DDAH1: variants seen among roughly 807,000 people sequenced by gnomAD.
The protein encoded by DDAH1 is dimethylarginine dimethylaminohydrolase 1.
Under a neutral mutation model 28.8 loss-of-function variants are expected in DDAH1, and 19 were observed. The ratio of observed to expected loss-of-function variants is 0.66; its 90% CI spans 0.46 to 0.97. DDAH1 has a LOEUF of 0.97. Among genes scored for constraint, DDAH1 ranks in the 50% least tolerant of loss-of-function variants. The pLI, the probability that DDAH1 is intolerant of heterozygous loss-of-function variation, is 0.00. For missense variants in DDAH1, 326 were observed against 375.9 expected, an observed-to-expected ratio of 0.87 and a Z score of 1.10; for synonymous variants, 153 against 154.4, an observed-to-expected ratio of 0.99 and a Z score of 0.07.
chr1:85,365,827 A>G (rs1332135014), intron 1 of DDAH1, among the ~76,000 whole-genome samples: 1 of 152,122 alleles, frequency 6.6e-6, no homozygotes, highest in Non-Finnish European at 1.5e-5. Context: ...CATATCTGTG[A>G]TTGGTTACTT....
chr1:85,454,421 C>G (rs934575279), intron 1 of DDAH1, among the ~76,000 whole-genome samples: 1 of 152,170 alleles, frequency 6.6e-6, no homozygotes, highest in Non-Finnish European at 1.5e-5. Flanking sequence ...TAAAACATGA[C>G]TGGATAGAAA....
chr1:85,329,467 A>G (rs957861393), intron 4 of DDAH1, among the ~76,000 whole-genome samples: 8 of 152,136 alleles, frequency 5.3e-5, no homozygotes, highest in African/African-American at 1.9e-4. Context: ...CTTATTTTTT[A>G]TCATTTAAAG....
In DDAH1 at chr1:85,464,971, G is replaced by A. The variant is rs1570578841; in HGVS notation, c.75C>T (p.Leu25=). 3 of 1,472,056 alleles carry A rather than the reference G, an allele frequency of 2.0e-6. No individual in the cohort carries two copies. Among genetic ancestry groups the A allele is most frequent in the Non-Finnish European group, 2.7e-6 (3 of 1,116,554 alleles). 91.2% of individuals were successfully genotyped at this position (1,472,056 alleles called of 1,614,324 possible). Residue 25 remains leucine, a synonymous_variant, in exon 1 of 6, where the codon CTC becomes CTT. Transcript: ENST00000284031. The surrounding 1 kb of genome is among the most constrained non-coding windows in gnomAD (Gnocchi z 4.4). Reference sequence around the variant, plus strand: ...TGGCGCTTCTCAGCGCGTGCTGGCCGAGCGACTCGGGTAGCGCCCGCACCA... The same window carrying A: ...TGGCGCTTCTCAGCGCGTGCTGGCCAAGCGACTCGGGTAGCGCCCGCACCA... ...HAVVRALPES[L]GQHALRSAKG...
chr1:85,353,472 A>G (rs1649335695), intron 2 of DDAH1, among the ~76,000 whole-genome samples: 1 of 152,164 alleles, frequency 6.6e-6, no homozygotes. Context: ...ACAATATCCA[A>G]GGGCTTATGT....
Position 85,320,095 on chromosome 1 carries a change from G to A in DDAH1, c.*1357C>T, listed in dbSNP as rs551939892. ...TGCCTGGATCAGTTACCATTCATTGGAAAGTACCGTTTCCCCTGCCTGTTA... is the reference window on the plus strand; with the variant it reads ...TGCCTGGATCAGTTACCATTCATTGAAAAGTACCGTTTCCCCTGCCTGTTA... On this transcript the variant is annotated 3_prime_UTR_variant, in exon 6 of 6. Transcript: ENST00000284031. 6 of 152,356 alleles carry A rather than the reference G, an allele frequency of 3.9e-5. No homozygotes were observed. Among genetic ancestry groups the A allele is most frequent in the Non-Finnish European group, 8.8e-5 (6 of 68,038 alleles). The allele number at this position is 152,356 out of a possible 1,614,324, so 9.4% of individuals were successfully genotyped here.
rs183512868 is a variant in DDAH1 at position 85,479,464 on chromosome 1, C to T, written c.-7+16702G>A. Among the ~76,000 whole-genome samples the T allele has an allele frequency of 1.3e-3, 195 of 152,236 alleles. 1 individual carries two copies. The highest frequency in any genetic ancestry group is 6.8e-3 in the Middle Eastern group (2 of 294). Reference sequence around the variant, plus strand: ...CTGGGATTACAGGCGTGAGCCACCGCGCCTGGCCCTGTTTTTCTTTTATAA... The same window carrying T: ...CTGGGATTACAGGCGTGAGCCACCGTGCCTGGCCCTGTTTTTCTTTTATAA... On this transcript the variant is annotated intron_variant, in intron 2 of 6. Transcript: ENST00000426972.
intron 1 of DDAH1, among the ~76,000 whole-genome samples, chr1:85,392,565 C>T (rs916742464): frequency 8.6e-5 from 13 of 151,970 alleles, no homozygotes; most frequent in Admixed American, 2.6e-4. Context: ...GAGGCTGAGG[C>T]GGGCGGATCA....
At chr1:85,343,564 T>TTGTC (rs1648644880) in intron 4 of DDAH1, among the ~76,000 whole-genome samples, 1 of 152,250 alleles carries the variant, frequency 6.6e-6, no homozygotes, top group Non-Finnish European at 1.5e-5. Context: ...TACAATGGGA[T>TTGTC]TGTCAGTATG....
chr1:85,453,962 G>C (rs933101369), intron 1 of DDAH1, among the ~76,000 whole-genome samples: 1 of 152,072 alleles, frequency 6.6e-6, no homozygotes, highest in Non-Finnish European at 1.5e-5. Flanking sequence ...GCTGAGTTTC[G>C]GTCCCTACCC....
chr1:85,496,615 C>A (rs538835080), intron 1 of DDAH1, among the ~76,000 whole-genome samples: 24 of 152,176 alleles, frequency 1.6e-4, no homozygotes, highest in African/African-American at 5.8e-4. Flanking sequence ...GAAAACAAAT[C>A]TTTCCTTTCC....
At chr1:85,572,006 G>A (rs983467393) in intron 1 of DDAH1, among the ~76,000 whole-genome samples, 5 of 152,148 alleles carry the variant, frequency 3.3e-5, no homozygotes, top group Non-Finnish European at 7.3e-5. Context: ...TCCGTGCTTA[G>A]TAACTCTGTT....
chr1:85,484,375 T>C (rs17127799), intron 2 of DDAH1, among the ~76,000 whole-genome samples: 15,091 of 152,132 alleles, frequency 0.099, 845 homozygotes, highest in Middle Eastern at 0.13. Flanking sequence ...TGAGGGCAAG[T>C]AGCAATTTCC....
intron 1 of DDAH1, among the ~76,000 whole-genome samples, chr1:85,516,889 CT>C (rs1657494603): frequency 6.6e-6 from 1 of 152,148 alleles, no homozygotes; most frequent in Non-Finnish European, 1.5e-5. Context: ...AAAAATGTTC[CT>C]GGAAGCATTG....
chr1:85,461,391 A>G (rs748753045), intron 1 of DDAH1, among the ~76,000 whole-genome samples: 2 of 152,226 alleles, frequency 1.3e-5, no homozygotes, highest in African/African-American at 2.4e-5. Flanking sequence ...TTTCACAGGA[A>G]TACTTTCTTG....
intron 2 of DDAH1, among the ~76,000 whole-genome samples, chr1:85,480,758 A>T (rs12033617): frequency 0.075 from 11,332 of 151,886 alleles, 1,302 homozygotes; most frequent in African/African-American, 0.25. Context: ...ATAAATAAAT[A>T]AATTAATTAA....
chr1:85,373,638 T>G (rs370539088), intron 1 of DDAH1, among the ~76,000 whole-genome samples: 6 of 152,152 alleles, frequency 3.9e-5, no homozygotes, highest in African/African-American at 1.4e-4. Context: ...TCCCCAGTCA[T>G]GCGGAACTGT....
intron 4 of DDAH1, among the ~76,000 whole-genome samples, chr1:85,335,572 G>T (rs1648053276): frequency 6.6e-6 from 1 of 151,950 alleles, no homozygotes; most frequent in South Asian, 2.1e-4. Flanking sequence ...AAACAAAGAA[G>T]GTTATTATGT....
chr1:85,465,770 C>G (rs527957980), upstream of DDAH1, among the ~76,000 whole-genome samples: 20 of 152,280 alleles, frequency 1.3e-4, no homozygotes, highest in African/African-American at 4.3e-4. Flanking sequence ...CTCTACCCCC[C>G]ACCCTAAACC....
intron 1 of DDAH1, among the ~76,000 whole-genome samples, chr1:85,463,431 A>G (rs78208847): frequency 0.012 from 1,838 of 152,342 alleles, 35 homozygotes; most frequent in African/African-American, 0.043. Flanking sequence ...AACGCATTAG[A>G]AAGTATTCAA....
Sources: gnomAD v4.1 joint callset for allele counts (sites outside exome capture counted in the v4.1 genomes callset) on GRCh38, gnomAD v4.1.1 for gene constraint, Gnocchi (gnomAD v3.1) non-coding constraint, MANE v1.5 for transcripts, NCBI Gene and HGNC (gene_info 2026-07-23, HGNC 2026-07-21) for gene names.